Variants in SEC31B observed in about 807,000 individuals in gnomAD.
The protein encoded by SEC31B is SEC31 homolog B, COPII component.
A neutral mutation model predicts 135.0 loss-of-function variants in SEC31B; 113 were observed. The ratio of observed to expected loss-of-function variants is 0.84; its 90% CI spans 0.72 to 0.98. The LOEUF (loss-of-function observed/expected upper bound fraction) is 0.98, where lower values mean the gene tolerates loss of function less well. SEC31B is among the 50% of genes least tolerant of loss of function. The pLI is 0.00. For missense variants in SEC31B, 1,296 were observed against 1,421.1 expected (o/e 0.91, Z 1.42); for synonymous variants, 508 against 549.4 (o/e 0.92, Z 1.05).
At chr10:100,517,038 G>A (rs941293255) in intron 1 of SEC31B, 41 bp from the exon 2 acceptor site, 4 of 968,690 alleles carry the variant, frequency 4.1e-6, no homozygotes, top group Admixed American at 1.8e-5. Flanking sequence ...CAGATCCAGG[G>A]AGCATCTGCG....
chr10:100,500,189 G>C (rs1297164683), intron 11 of SEC31B: 1 of 456,682 alleles, frequency 2.2e-6, no homozygotes, highest in Admixed American at 2.3e-5. Flanking sequence ...ATTACTGCAT[G>C]ACTGCTGAAA....
At chr10:100,497,993 T>TC in intron 15 of SEC31B, 36 bp downstream of exon 15, 1 of 1,611,454 alleles carries the variant, frequency 6.2e-7, no homozygotes, top group Admixed American at 1.7e-5. Context: ...GTCCAAGTAA[T>TC]CCCCTCCCTT....
intron 7 of SEC31B, among the ~76,000 whole-genome samples, chr10:100,506,641 T>C (rs1851637508): frequency 6.6e-6 from 1 of 152,230 alleles, no homozygotes; most frequent in African/African-American, 2.4e-5. Flanking sequence ...CCTCAGAGCC[T>C]GTGCACTATG....
intron 16 of SEC31B, 26 bp from the exon 17 acceptor site, chr10:100,497,306 A>C (rs1272794854): frequency 6.8e-6 from 11 of 1,609,666 alleles, no homozygotes; most frequent in Non-Finnish European, 9.3e-6. Flanking sequence ...AATTTCATTA[A>C]TGGCACAGCT....
rs1044270637 is a variant in SEC31B at position 100,506,169 on chromosome 10, C to T, written c.915G>A (p.Trp305Ter). 3 of 1,614,104 alleles carry T rather than the reference C, an allele frequency of 1.9e-6. No individual in the cohort carries two copies. The African/African-American group carries it at 4.0e-5, about 22-fold the overall frequency. ...GAGGGCACCACTGCACATCAAAGCA[C>T]CAGCTGCTCTGTGTTGGTAGCTTAT... ...VVYKLPTQSS[W>*]CFDVQWCPRD... is the part of the protein sequence containing the mutation. Residue 305 changes from tryptophan to a stop codon, truncating the protein, a stop_gained, in exon 9 of 26, where the codon TGG (tryptophan) becomes TGA (stop). Transcript: ENST00000370345. LOFTEE classifies it high-confidence loss of function.
At position 100,505,402 on chromosome 10, in the gene SEC31B, G is replaced by T. The variant is rs372849118; in HGVS notation, c.1138C>A (p.Pro380Thr). 9.2e-5 allele frequency: 148 copies of T among 1,611,884 alleles called. No individual in the cohort carries two copies. The highest frequency in any genetic ancestry group is 5.0e-4 in the Admixed American group (30 of 59,822). Reference protein sequence around the residue: ...QAPLIPPLKKPPKWIRRPTGV... With the variant: ...QAPLIPPLKKTPKWIRRPTGV... Reference sequence around the variant, plus strand: ...GTTGGTCTTCTAATCCATTTGGGGGGTTTTTTCAGGGGAGGTATCAGTGGT... The same window carrying T: ...GTTGGTCTTCTAATCCATTTGGGGGTTTTTTTCAGGGGAGGTATCAGTGGT... Residue 380 changes from proline (P) to threonine (T), a missense_variant, in exon 10 of 26, where the codon CCC becomes ACC. By Grantham distance (38) the Pro-to-Thr change is conservative (BLOSUM62 -1). Coordinates refer to ENST00000370345, the MANE Select transcript of SEC31B (RefSeq NM_015490.4).
In SEC31B at chr10:100,498,133, C is replaced by A. The variant is rs142637437; in HGVS notation, c.1759G>T (p.Glu587Ter). Reference sequence around the variant, plus strand: ...AGGATAATGGCATCAGCAAAGCGCTCCTCCTTCAGACACAGCTCCACGGCC... The same window carrying A: ...AGGATAATGGCATCAGCAAAGCGCTACTCCTTCAGACACAGCTCCACGGCC... ...GPAVELCLKE[E>*]RFADAIILAQ... The change falls in exon 15 of 26, where the codon GAG becomes TAG. Residue 587 changes from glutamate (E) to a stop codon, truncating the protein, a stop_gained. Coordinates refer to ENST00000370345, the MANE Select transcript of SEC31B (RefSeq NM_015490.4). LOFTEE classifies it high-confidence loss of function. 2.7e-4 allele frequency: 436 copies of A among 1,614,206 alleles called. No individual in the cohort carries two copies. The highest frequency in any genetic ancestry group is 6.6e-4 in the Middle Eastern group (4 of 6,062).
At chr10:100,512,075 G>A (rs1338088009) in intron 3 of SEC31B, among the ~76,000 whole-genome samples, 2 of 152,232 alleles carry the variant, frequency 1.3e-5, no homozygotes, top group African/African-American at 4.8e-5. Flanking sequence ...AAAACTGAGA[G>A]AAGTACACAA....
At chr10:100,499,400 G>T in intron 12 of SEC31B, 124 bp downstream of exon 12, 1 of 1,096,780 alleles carries the variant, frequency 9.1e-7, no homozygotes, top group Non-Finnish European at 1.4e-6. Context: ...ACAAACTCCA[G>T]GATGTAAAAT....
chr10:100,493,618 T>C (rs1455226602), intron 19 of SEC31B, among the ~76,000 whole-genome samples: 1 of 152,166 alleles, frequency 6.6e-6, no homozygotes, highest in East Asian at 1.9e-4. Flanking sequence ...GCAGAATAAG[T>C]GCAGCTATAA....
In SEC31B at chr10:100,489,023, C is replaced by T. The variant is rs764890530; in HGVS notation, c.3172-49G>A. ...AAGGCCAGAGGGGCAAGCTGTCCTT[C>T]TCATGGCTTCCCTAAGGACTAGTCC... On this transcript the variant is annotated intron_variant, in intron 23 of 25. Transcript: ENST00000370345. 5 of 1,558,240 alleles carry T rather than the reference C, an allele frequency of 3.2e-6. No homozygotes were observed. In the East Asian group the frequency reaches 9.0e-5, roughly 28 times the overall value.
At chr10:100,508,126 C>T in intron 5 of SEC31B, 75 bp from the exon 6 acceptor site, 1 of 1,561,736 alleles carries the variant, frequency 6.4e-7, no homozygotes, top group Non-Finnish European at 8.8e-7. Flanking sequence ...TTCCACTGCT[C>T]CCAGCCACCC....
chr10:100,509,437 T>A lies in SEC31B; in HGVS notation c.278A>T (p.Asp93Val). 6.2e-7 allele frequency: 1 copy of A among 1,613,950 alleles called. No individual in the cohort carries two copies. Among genetic ancestry groups the A allele is most frequent in the Non-Finnish European group, 8.5e-7 (1 of 1,179,960 alleles). ...ATTGTATAGAATAAGCATGCCATTG[T>A]CCCCGCCGCCAACAATAACCCCGGA... ...ESSGVIVGGG[D>V]NGMLILYNVT... Residue 93 changes from aspartate (D) to valine (V), a missense_variant, in exon 4 of 26, where the codon GAC becomes GTC. Physicochemically the swap from Asp to Val is radical, Grantham distance 152. Coordinates refer to ENST00000370345, the MANE Select transcript of SEC31B (RefSeq NM_015490.4).
At chr10:100,488,659 T>G (rs376615732) in intron 24 of SEC31B, among the ~76,000 whole-genome samples, 199 bp downstream of exon 24, 2 of 152,058 alleles carry the variant, frequency 1.3e-5, no homozygotes, top group East Asian at 3.9e-4. Flanking sequence ...TGCTGGGTCC[T>G]ACCACCAAGG....
chr10:100,494,207 T>C (rs1403644256), intron 19 of SEC31B, among the ~76,000 whole-genome samples: 2 of 151,888 alleles, frequency 1.3e-5, no homozygotes, highest in Non-Finnish European at 2.9e-5. Flanking sequence ...CCAGAACCTC[T>C]TTCCTCTCCC....
chr10:100,510,940 T>C (rs990700303), intron 3 of SEC31B, among the ~76,000 whole-genome samples: 4 of 152,174 alleles, frequency 2.6e-5, no homozygotes, highest in African/African-American at 9.7e-5. Flanking sequence ...AGAGGGCATG[T>C]CAACTGAGTA....
At position 100,489,839 on chromosome 10, in the gene SEC31B, T is replaced by C. The variant is rs1006381062; in HGVS notation, c.2966-78A>G. The C allele has an allele frequency of 1.5e-5, 24 of 1,602,866 alleles. No homozygotes were observed. In the African/African-American group the frequency reaches 3.0e-4, roughly 20 times the overall value. On this transcript the variant is annotated intron_variant, in intron 21 of 25. Transcript: ENST00000370345. ...GTTTTTTATCTGAAGGCTGGAAGCA[T>C]TCTTTGAGTTGGAGTTCACCATACC... is the stretch of plus-strand genomic sequence containing the variant.
chr10:100,499,125 T>C (rs1469196914), intron 13 of SEC31B, 35 bp downstream of exon 13: 3 of 1,569,258 alleles, frequency 1.9e-6, no homozygotes, highest in East Asian at 4.5e-5. Context: ...TTTCCTGTGT[T>C]ACCATAGGTC....
chr10:100,489,176 G>A (rs1851249598), intron 23 of SEC31B, 76 bp downstream of exon 23: 5 of 1,496,754 alleles, frequency 3.3e-6, no homozygotes, highest in South Asian at 2.8e-5. Flanking sequence ...TGAGGAATGA[G>A]GCCCATCTAC....
Sources: gnomAD v4.1 joint callset for allele counts (sites outside exome capture counted in the v4.1 genomes callset) on GRCh38, gnomAD v4.1.1 for gene constraint, MANE v1.5 for transcripts, NCBI Gene and HGNC (gene_info 2026-07-23, HGNC 2026-07-21) for gene names.